Variants in CNTN5 observed in about 807,000 individuals in gnomAD.
CNTN5 encodes the protein contactin 5.
CNTN5 carries 77 observed loss-of-function variants against 129.1 expected under a neutral mutation model. The observed-to-expected ratio is 0.60, with a 90% CI of 0.50 to 0.72. CNTN5 has a LOEUF of 0.72. Among genes scored for constraint, CNTN5 ranks in the 30% least tolerant of loss-of-function variants. CNTN5 has a pLI of 0.00. For missense variants in CNTN5, 1,478 were observed against 1,328.8 expected, an observed-to-expected ratio of 1.11 and a Z score of -1.75; for synonymous variants, 509 against 465.6, an observed-to-expected ratio of 1.09 and a Z score of -1.20.
At chr11:100,014,465 C>A (rs1488286408) in intron 9 of CNTN5, among the ~76,000 whole-genome samples, 1 of 151,992 alleles carries the variant, frequency 6.6e-6, no homozygotes, top group Non-Finnish European at 1.5e-5. Context: ...GTTGTTGTCC[C>A]AGCTACTCAG....
chr11:99,162,587 AATATTTTCTTCCTATAATAC>A (rs1860670072), intron 1 of CNTN5, among the ~76,000 whole-genome samples: 1 of 152,208 alleles, frequency 6.6e-6, no homozygotes, highest in South Asian at 2.1e-4. Context: ...TTCTCAGTAC[AATATTTTCTTCCTATAATAC>A]ATTATCTGAT....
chr11:99,056,079 G>C (rs921531884), intron 1 of CNTN5, among the ~76,000 whole-genome samples: 1 of 151,880 alleles, frequency 6.6e-6, no homozygotes, highest in African/African-American at 2.4e-5. Context: ...ATGGGCGGCT[G>C]TTTCATTGAT....
chr11:100,243,783 C>A (rs1035995708), intron 16 of CNTN5, among the ~76,000 whole-genome samples: 13 of 152,208 alleles, frequency 8.5e-5, no homozygotes, highest in Admixed American at 2.0e-4. Context: ...GACTGATTCC[C>A]CATCATGTAG....
At chr11:99,145,252 T>C (rs1260377396) in intron 1 of CNTN5, among the ~76,000 whole-genome samples, 1 of 152,104 alleles carries the variant, frequency 6.6e-6, no homozygotes, top group African/African-American at 2.4e-5. Flanking sequence ...GTATTTTTAA[T>C]AGAGATCAGG....
chr11:100,022,697 G>A (rs1232336881), intron 9 of CNTN5, among the ~76,000 whole-genome samples: 1 of 152,162 alleles, frequency 6.6e-6, no homozygotes, highest in Non-Finnish European at 1.5e-5. Flanking sequence ...CAACATAATT[G>A]TAGGTAGGCC....
chr11:99,922,419 G>A (rs1048873712), intron 7 of CNTN5, among the ~76,000 whole-genome samples: 1 of 152,192 alleles, frequency 6.6e-6, no homozygotes, highest in African/African-American at 2.4e-5. Context: ...CCAGGGTGAA[G>A]TTTCTGATCT....
chr11:99,739,321 G>A (rs1311318041), intron 3 of CNTN5, among the ~76,000 whole-genome samples: 1 of 152,058 alleles, frequency 6.6e-6, no homozygotes, highest in Non-Finnish European at 1.5e-5. Flanking sequence ...AAATGATAGG[G>A]TTGACACTCA....
At chr11:99,675,516 C>T (rs540686412) in intron 3 of CNTN5, among the ~76,000 whole-genome samples, 2 of 152,208 alleles carry the variant, frequency 1.3e-5, no homozygotes, top group African/African-American at 4.8e-5. Flanking sequence ...AACCCTGTTT[C>T]TGCTAAAATA....
intron 9 of CNTN5, among the ~76,000 whole-genome samples, chr11:100,034,853 T>A (rs17695414): frequency 0.093 from 14,166 of 152,224 alleles, 853 homozygotes; most frequent in East Asian, 0.2. Context: ...ACTTTCAGGA[T>A]ATGTCCAGGT....
intron 3 of CNTN5, among the ~76,000 whole-genome samples, chr11:99,815,331 A>G (rs924630333): frequency 2.6e-5 from 4 of 150,984 alleles, no homozygotes; most frequent in Non-Finnish European, 3.0e-5. Context: ...ATGCTAATAT[A>G]TTTTCAGAGA....
chr11:99,498,757 C>A (rs966042915), intron 2 of CNTN5, among the ~76,000 whole-genome samples: 2 of 152,102 alleles, frequency 1.3e-5, no homozygotes, highest in African/African-American at 4.8e-5. Context: ...GTAGTTAGGG[C>A]TTCTGGGAAA....
At chr11:99,367,342 A>C (rs992911666) in intron 2 of CNTN5, among the ~76,000 whole-genome samples, 1 of 150,404 alleles carries the variant, frequency 6.6e-6, no homozygotes, top group Non-Finnish European at 1.5e-5. Flanking sequence ...GGTTTGAAAC[A>C]GTTTTTTTTT....
chr11:100,191,108 T>A lies in CNTN5; in HGVS notation c.1581-18T>A. 1 of 1,563,058 alleles carries A rather than the reference T, an allele frequency of 6.4e-7. No individual in the cohort carries two copies. Among genetic ancestry groups the A allele is most frequent in the African/African-American group, 1.4e-5 (1 of 72,308 alleles). ...TGCAGTAAAACAGAAAAAAAAACTG[T>A]TTTTAAATAATTTTCAGAATAGCTA... On this transcript the variant is annotated intron_variant, in intron 13 of 24. Transcript: ENST00000524871.
At chr11:99,228,883 T>C (rs79063180) in intron 1 of CNTN5, among the ~76,000 whole-genome samples, 2,644 of 152,124 alleles carry the variant, frequency 0.017, 42 homozygotes, top group African/African-American at 0.038. Flanking sequence ...TGCTGTGCAT[T>C]CGTTAATACT....
At chr11:99,106,291 T>C (rs1368092945) in intron 1 of CNTN5, among the ~76,000 whole-genome samples, 1 of 152,024 alleles carries the variant, frequency 6.6e-6, no homozygotes, top group Non-Finnish European at 1.5e-5. Flanking sequence ...GAAAATAAAG[T>C]GCAGATAACA....
intron 1 of CNTN5, among the ~76,000 whole-genome samples, chr11:99,204,643 A>G (rs1400667982): frequency 1.3e-5 from 2 of 152,210 alleles, no homozygotes; most frequent in Non-Finnish European, 2.9e-5. Context: ...ATCAGTGTGC[A>G]ATGGAAGAGC....
At chr11:99,637,092 A>G (rs1321890838) in intron 3 of CNTN5, among the ~76,000 whole-genome samples, 1 of 148,312 alleles carries the variant, frequency 6.7e-6, no homozygotes, top group Non-Finnish European at 1.5e-5. Context: ...ATGGTTTCCT[A>G]TATTCTAGTA....
At chr11:100,076,356 C>T (rs79288697) in intron 13 of CNTN5, among the ~76,000 whole-genome samples, 2,849 of 152,096 alleles carry the variant, frequency 0.019, 34 homozygotes, top group Non-Finnish European at 0.027. Flanking sequence ...TCTTCATCAA[C>T]TGTTGAAAAA....
At chr11:100,165,147 A>C (rs145112042) in intron 13 of CNTN5, among the ~76,000 whole-genome samples, 2 of 151,792 alleles carry the variant, frequency 1.3e-5, no homozygotes, top group African/African-American at 4.8e-5. Flanking sequence ...TTAAAGAGGC[A>C]ATTTTGGAAA....
Sources: gnomAD v4.1 joint callset for allele counts (sites outside exome capture counted in the v4.1 genomes callset) on GRCh38, gnomAD v4.1.1 for gene constraint, MANE v1.5 for transcripts, NCBI Gene and HGNC (gene_info 2026-07-23, HGNC 2026-07-21) for gene names.